Variants in PRELID2 observed in about 807,000 individuals in gnomAD.
The protein encoded by PRELID2 is PRELI domain-containing protein 2.
A neutral mutation model predicts 28.4 loss-of-function variants in PRELID2; 25 were observed. That is an observed-to-expected ratio of 0.88 (90% CI 0.64 to 1.23). The LOEUF (loss-of-function observed/expected upper bound fraction) is 1.23. Ranked by LOEUF, PRELID2 falls within the 50% of genes most tolerant of loss-of-function variation. The probability of loss-of-function intolerance (pLI) is 0.00; values close to 1 mark genes in which losing one functional copy is unlikely to be tolerated. For synonymous variants in PRELID2, 76 were observed against 71.6 expected (o/e 1.06, Z -0.31); for missense variants, 201 against 214.4 (o/e 0.94, Z 0.39).
At chr5:145,803,323 C>T (rs915385378) in intron 4 of PRELID2, among the ~76,000 whole-genome samples, 7 of 152,128 alleles carry the variant, frequency 4.6e-5, no homozygotes, top group Non-Finnish European at 8.8e-5. Context: ...CCACAGAAAA[C>T]CAATGCAATT....
At chr5:145,399,814 C>T in the PRELID2 span, among the ~76,000 whole-genome samples, 6 of 152,268 alleles carry the variant, frequency 3.9e-5, no homozygotes, top group Non-Finnish European at 7.4e-5. Context: ...CAAGTCACAT[C>T]TTACGTAGAT....
At chr5:145,382,566 G>A in the PRELID2 span, among the ~76,000 whole-genome samples, 1 of 151,940 alleles carries the variant, frequency 6.6e-6, no homozygotes, top group Non-Finnish European at 1.5e-5. Flanking sequence ...CAATAAAATG[G>A]TCTTTCAAGT....
intron 1 of PRELID2, among the ~76,000 whole-genome samples, chr5:145,618,207 G>A (rs1258066131): frequency 6.6e-6 from 1 of 152,080 alleles, no homozygotes; most frequent in East Asian, 1.9e-4. Context: ...TTCTTGTTTG[G>A]ATCCACTGCT....
the PRELID2 span, among the ~76,000 whole-genome samples, chr5:145,391,377 G>A: frequency 6.6e-6 from 1 of 152,230 alleles, no homozygotes; most frequent in East Asian, 1.9e-4. Context: ...AATGGCCTGA[G>A]CTGTATGTTG....
At chr5:145,796,959 T>G (rs1752797375) in intron 4 of PRELID2, among the ~76,000 whole-genome samples, 1 of 152,036 alleles carries the variant, frequency 6.6e-6, no homozygotes, top group Non-Finnish European at 1.5e-5. Flanking sequence ...TCCTAACACA[T>G]AAGCATTTAC....
chr5:145,407,406 T>A, the PRELID2 span, among the ~76,000 whole-genome samples: 1 of 151,840 alleles, frequency 6.6e-6, no homozygotes, highest in African/African-American at 2.4e-5. Context: ...GGAACATAAC[T>A]CCATTGACAT....
At chr5:145,692,539 T>C (rs1755171635) in intron 1 of PRELID2, among the ~76,000 whole-genome samples, 1 of 152,118 alleles carries the variant, frequency 6.6e-6, no homozygotes, top group Non-Finnish European at 1.5e-5. Context: ...TGCTCAGTGT[T>C]TTCACCCAAA....
chr5:145,595,115 C>T (rs1204567734), intron 1 of PRELID2, among the ~76,000 whole-genome samples: 1 of 143,114 alleles, frequency 7.0e-6, no homozygotes, highest in Non-Finnish European at 1.5e-5. Context: ...GCGACAGAGC[C>T]ATCTCAAAAA....
chr5:145,354,866 C>T, the PRELID2 span, among the ~76,000 whole-genome samples: 3 of 152,064 alleles, frequency 2.0e-5, no homozygotes, highest in African/African-American at 7.2e-5. Context: ...TAAATTATCA[C>T]ACAATGTCTA....
the PRELID2 span, among the ~76,000 whole-genome samples, chr5:145,372,696 T>G: frequency 2.5e-4 from 38 of 151,574 alleles, no homozygotes; most frequent in African/African-American, 8.7e-4. Flanking sequence ...TTTCATTTGC[T>G]TGGTAAATTC....
At chr5:145,291,444 T>G in the PRELID2 span, among the ~76,000 whole-genome samples, 1 of 151,264 alleles carries the variant, frequency 6.6e-6, no homozygotes, top group Non-Finnish European at 1.5e-5. Context: ...CTATGAAGGT[T>G]CCCAGGAGCT....
At chr5:145,572,695 T>C (rs577805294) in intron 1 of PRELID2, among the ~76,000 whole-genome samples, 2 of 152,282 alleles carry the variant, frequency 1.3e-5, no homozygotes, top group Admixed American at 6.5e-5. Context: ...CCCAGTTTCA[T>C]ATGTAGGGAA....
At chr5:145,697,818 T>G (rs963561714) in intron 1 of PRELID2, among the ~76,000 whole-genome samples, 4 of 152,144 alleles carry the variant, frequency 2.6e-5, no homozygotes, top group Admixed American at 2.6e-4. Flanking sequence ...GCCTTTAAGG[T>G]TTAAAGCATT....
intron 3 of PRELID2, chr5:145,819,487 T>C (rs371672380): frequency 4.1e-5 from 39 of 960,880 alleles, no homozygotes; most frequent in African/African-American, 2.3e-4. Flanking sequence ...GAAATACACA[T>C]AAAGACTTAC....
intron 1 of PRELID2, among the ~76,000 whole-genome samples, chr5:145,565,869 G>A (rs1752962546): frequency 6.6e-6 from 1 of 152,168 alleles, no homozygotes. Flanking sequence ...GCTCATGTGA[G>A]GCCATATGTT....
At chr5:145,237,140 G>T in the PRELID2 span, among the ~76,000 whole-genome samples, 149 of 152,194 alleles carry the variant, frequency 9.8e-4, no homozygotes, top group African/African-American at 3.3e-3. Flanking sequence ...TGCTCCTTGA[G>T]CCTGTGTCCT....
chr5:145,428,237 G>A, the PRELID2 span, among the ~76,000 whole-genome samples: 1 of 152,130 alleles, frequency 6.6e-6, no homozygotes, highest in Non-Finnish European at 1.5e-5. Flanking sequence ...GGGATTGCAG[G>A]CCTGAGTCAC....
At chr5:145,720,088 AG>A (rs1561556882) in intron 1 of PRELID2, among the ~76,000 whole-genome samples, 2 of 152,010 alleles carry the variant, frequency 1.3e-5, no homozygotes, top group African/African-American at 2.4e-5. Flanking sequence ...AGGGTCTAAA[AG>A]GAAGTGATTT....
chr5:145,712,278 T>C (rs930971790), intron 1 of PRELID2, among the ~76,000 whole-genome samples: 1 of 152,234 alleles, frequency 6.6e-6, no homozygotes, highest in African/African-American at 2.4e-5. Context: ...CACTTCCTAA[T>C]GATTTTACGG....
Sources: gnomAD v4.1 joint callset for allele counts (sites outside exome capture counted in the v4.1 genomes callset) on GRCh38, gnomAD v4.1.1 for gene constraint, MANE v1.5 for transcripts, NCBI Gene and HGNC (gene_info 2026-07-23, HGNC 2026-07-21) for gene names.